Variants in BPI observed in about 807,000 individuals in gnomAD.
The protein encoded by BPI is bactericidal permeability-increasing protein.
Under a neutral mutation model 57.6 loss-of-function variants are expected in BPI, and 48 were observed. The ratio of observed to expected loss-of-function variants is 0.83; its 90% CI spans 0.66 to 1.06. BPI has a LOEUF of 1.06. Ranked by LOEUF, BPI falls within the 50% of genes least tolerant of loss-of-function variation. BPI has a pLI of 0.00. For synonymous variants in BPI, 237 were observed against 238.2 expected (o/e 0.99, Z 0.05); for missense variants, 651 against 609.7 (o/e 1.07, Z -0.71).
intron 11 of BPI, among the ~76,000 whole-genome samples, chr20:38,328,844 A>G (rs2122555511): frequency 6.6e-6 from 1 of 151,866 alleles, no homozygotes; most frequent in South Asian, 2.1e-4. Flanking sequence ...CAAAAAAAAA[A>G]AAATTGTTTT....
intron 9 of BPI, 76 bp downstream of exon 9, chr20:38,324,909 G>A: frequency 8.3e-7 from 1 of 1,198,350 alleles, no homozygotes; most frequent in Middle Eastern, 2.0e-4. Flanking sequence ...TGGATGATGA[G>A]AGCCCTCCAC....
At chr20:38,325,695 C>T (rs1010421888) in intron 9 of BPI, among the ~76,000 whole-genome samples, 3 of 152,078 alleles carry the variant, frequency 2.0e-5, no homozygotes, top group Non-Finnish European at 4.4e-5. Context: ...TGGTGAAACC[C>T]CAGAAATTTC....
At chr20:38,334,358 T>C (rs2076756690) in intron 12 of BPI, 72 bp from the exon 13 acceptor site, 1 of 1,393,002 alleles carries the variant, frequency 7.2e-7, no homozygotes, top group Admixed American at 1.7e-5. Flanking sequence ...AGAGGTGGGG[T>C]GATGAGGACT....
chr20:38,307,704 C>A, intron 2 of BPI, 23 bp downstream of exon 2: 1 of 1,569,990 alleles, frequency 6.4e-7, no homozygotes, highest in Non-Finnish European at 8.7e-7. Context: ...AGAGCTCAAT[C>A]CTCGATTTGC....
rs1243824380 is a variant in BPI at position 38,304,417 on chromosome 20, G to A, written c.130+64G>A. Reference sequence around the variant, plus strand: ...GGAGCACTTACTTAGCATCTACTGTGTGCACCCCTTTAGATCCAGCACCTG... The same window carrying A: ...GGAGCACTTACTTAGCATCTACTGTATGCACCCCTTTAGATCCAGCACCTG... On this transcript the variant is annotated intron_variant, in intron 1 of 14. Transcript: ENST00000642449. The A allele has an allele frequency of 8.2e-6, 13 of 1,583,616 alleles. No homozygotes were observed. In the Admixed American group the frequency reaches 1.4e-4, roughly 17 times the overall value.
intron 4 of BPI, among the ~76,000 whole-genome samples, 155 bp from the exon 5 acceptor site, chr20:38,311,719 G>A (rs1464968337): frequency 6.6e-6 from 1 of 152,148 alleles, no homozygotes; most frequent in Non-Finnish European, 1.5e-5. Context: ...TCGGGGAGAA[G>A]TGTCTGATGG....
intron 7 of BPI, among the ~76,000 whole-genome samples, chr20:38,323,076 T>G (rs2076694640): frequency 6.6e-6 from 1 of 152,186 alleles, no homozygotes; most frequent in Non-Finnish European, 1.5e-5. Context: ...TTCTGATTTT[T>G]AAAAAAATTT....
chr20:38,307,778 C>A (rs1006040174), intron 2 of BPI, 97 bp downstream of exon 2: 2 of 1,012,524 alleles, frequency 2.0e-6, no homozygotes, highest in Admixed American at 5.1e-5. Flanking sequence ...CCTCAACTCA[C>A]AGAGTTTCAT....
Position 38,334,577 on chromosome 20 carries a change from C to A in BPI, c.1336+84C>A. 6 of 1,371,556 alleles carry A rather than the reference C, an allele frequency of 4.4e-6. No homozygotes were observed. The South Asian group carries it at 7.0e-5, about 16-fold the overall frequency. The allele number at this position is 1,371,556 out of a possible 1,614,324, so 85.0% of individuals were successfully genotyped here. On this transcript the variant is annotated intron_variant, in intron 13 of 14. Transcript: ENST00000642449. ...TTACCCACAGCCACCTGTTACCTGG[C>A]CCCAGGTATGAGGGCTGGGCAGTGG...
intron 1 of BPI, among the ~76,000 whole-genome samples, chr20:38,305,902 C>T (rs1600696374): frequency 6.6e-6 from 1 of 152,232 alleles, no homozygotes; most frequent in Admixed American, 6.5e-5. Flanking sequence ...GTCTGGGCTC[C>T]CTCATCTTAC....
intron 4 of BPI, among the ~76,000 whole-genome samples, 160 bp from the exon 5 acceptor site, chr20:38,311,714 G>A (rs539931488): frequency 1.0e-3 from 158 of 152,278 alleles, no homozygotes; most frequent in African/African-American, 3.7e-3. Flanking sequence ...CTAAATCGGG[G>A]AGAAGTGTCT....
chr20:38,318,090 A>G (rs2122521516), intron 5 of BPI: 1 of 967,844 alleles, frequency 1.0e-6, no homozygotes, highest in South Asian at 4.8e-5. Flanking sequence ...ATCAAACAGA[A>G]ACAAAAGAAA....
At position 38,326,396 on chromosome 20, in the gene BPI, C is replaced by T; in HGVS notation, c.1125C>T (p.Pro375=). Residue 375 remains proline (P), a synonymous_variant, in exon 10 of 15, where the codon CCC becomes CCT. Coordinates refer to ENST00000642449, the MANE Select transcript of BPI (RefSeq NM_001725.3). ...AVDVQAFAVL[P]NSSLASLFLI... The stretch of plus-strand genomic sequence containing the variant: ...ATGTCCAGGCCTTTGCCGTCCTCCC[C>T]AACTCCTCCCTGGCTTCCCTCTTCC... The T allele has an allele frequency of 6.2e-7, 1 of 1,614,096 alleles. No homozygotes were observed. The highest frequency in any genetic ancestry group is 8.5e-7 in the Non-Finnish European group (1 of 1,180,012).
At chr20:38,317,884 A>G (rs2076659934) in intron 5 of BPI, 7 of 1,457,482 alleles carry the variant, frequency 4.8e-6, no homozygotes, top group African/African-American at 2.8e-5. Context: ...GCTAGGGGAC[A>G]GGGGGATTGG....
intron 1 of BPI, among the ~76,000 whole-genome samples, chr20:38,306,056 G>A (rs1469927180): frequency 2.0e-5 from 3 of 152,066 alleles, no homozygotes; most frequent in South Asian, 2.1e-4. Context: ...TTTTGAGACC[G>A]AGTCTCGCTC....
chr20:38,327,042 CT>C (rs2076716995), intron 10 of BPI, among the ~76,000 whole-genome samples: 1 of 152,114 alleles, frequency 6.6e-6, no homozygotes, highest in African/African-American at 2.4e-5. Context: ...GCATTCATCC[CT>C]TTGATCACTC....
At position 38,319,912 on chromosome 20, in the gene BPI, A is replaced by C. The variant is rs752901005; in HGVS notation, c.665-271A>C. The stretch of plus-strand genomic sequence containing the variant: ...TCCAAGGTCATCCAGAGTTTGGTTC[A>C]AGCCTAGGTCTCTCTGTGCCCTTGA... On this transcript the variant is annotated intron_variant, in intron 6 of 14. Coordinates refer to ENST00000642449, the MANE Select transcript of BPI (RefSeq NM_001725.3). 9 of 438,978 alleles carry C rather than the reference A, an allele frequency of 2.1e-5. No individual in the cohort carries two copies. The Admixed American group carries it at 2.6e-4, about 13-fold the overall frequency. The allele number at this position is 438,978 out of a possible 1,614,324, so 27.2% of individuals were successfully genotyped here.
intron 6 of BPI, 34 bp downstream of exon 6, chr20:38,318,510 A>G (rs2076664303): frequency 1.2e-6 from 2 of 1,600,844 alleles, no homozygotes; most frequent in Non-Finnish European, 1.7e-6. Flanking sequence ...GATAGAAAGG[A>G]ACAGAAATGG....
chr20:38,331,935 G>A (rs61518350), intron 12 of BPI, among the ~76,000 whole-genome samples: 8,615 of 152,166 alleles, frequency 0.057, 310 homozygotes, highest in South Asian at 0.12. Flanking sequence ...TGATGAGGGA[G>A]AATGAAGAGT....
Sources: allele counts gnomAD v4.1 joint callset (sites outside exome capture counted in the v4.1 genomes callset), GRCh38; gene constraint gnomAD v4.1.1; transcripts MANE v1.5; gene names NCBI Gene and HGNC (gene_info 2026-07-23, HGNC 2026-07-21).